LSM12: variants seen among roughly 807,000 people sequenced by gnomAD.
The protein encoded by LSM12 is protein LSM12.
For synonymous variants in LSM12, 74 were observed against 87.3 expected (o/e 0.85, Z 0.85); for missense variants, 108 against 238.9 (o/e 0.45, Z 3.61).
At chr17:44,057,487 T>TA (rs1319720951) in intron 2 of LSM12, among the ~76,000 whole-genome samples, 2 of 150,360 alleles carry the variant, frequency 1.3e-5, no homozygotes, top group African/African-American at 4.9e-5. Context: ...ATGTGCCAGG[T>TA]ACAGTGGCTC....
At chr17:44,048,794 T>TA (rs2049605153) in intron 2 of LSM12, among the ~76,000 whole-genome samples, 1 of 152,204 alleles carries the variant, frequency 6.6e-6, no homozygotes, top group Admixed American at 6.6e-5. Context: ...ACAGTCCTTG[T>TA]ATACTAACCA....
At chr17:44,065,145 C>CA (rs143594392) in intron 1 of LSM12, among the ~76,000 whole-genome samples, 5,356 of 133,922 alleles carry the variant, frequency 0.04, 168 homozygotes, top group East Asian at 0.18. Context: ...AAAAACACAA[C>CA]AAAAAAAAAA....
chr17:44,066,360 C>G (rs1245766329), intron 1 of LSM12, 104 bp downstream of exon 1: 12 of 1,435,220 alleles, frequency 8.4e-6, no homozygotes, highest in Non-Finnish European at 1.0e-5. Context: ...TAGCCGGTCG[C>G]CCCTAGGCCC....
intron 2 of LSM12, among the ~76,000 whole-genome samples, chr17:44,062,905 CA>C (rs764166826): frequency 2.7e-3 from 370 of 138,338 alleles, no homozygotes; most frequent in Admixed American, 2.7e-3. Flanking sequence ...TGCCTGTCTC[CA>C]AAAAAAAAAA....
Position 44,052,778 on chromosome 17 carries a change from TATAA to T in LSM12, c.258+11019_258+11022del, listed in dbSNP as rs904308159. ...CTGTCTTAAAAAAAATATATATTTA[TATAA>T]ATAAATAATCTATTTATATTTTATA... On this transcript the variant is annotated intron_variant, in intron 2 of 4. Transcript: ENST00000293406. Among the ~76,000 whole-genome samples, 3 of 149,870 alleles carry T rather than the reference TATAA, an allele frequency of 2.0e-5. No individual in the cohort carries two copies. The Admixed American group carries it at 2.0e-4, about 10-fold the overall frequency.
chr17:44,056,322 G>T (rs1315058314), intron 2 of LSM12, among the ~76,000 whole-genome samples: 1 of 149,822 alleles, frequency 6.7e-6, no homozygotes, highest in Non-Finnish European at 1.5e-5. Context: ...AGTGAACTCT[G>T]GCTGGGCACA....
At chr17:44,061,878 A>G (rs1483720147) in intron 2 of LSM12, among the ~76,000 whole-genome samples, 1 of 152,210 alleles carries the variant, frequency 6.6e-6, no homozygotes, top group Non-Finnish European at 1.5e-5. Flanking sequence ...TAAAATAGGT[A>G]TGGTCCCCAT....
chr17:44,052,679 A>C (rs1468074683), intron 2 of LSM12, among the ~76,000 whole-genome samples: 1 of 151,938 alleles, frequency 6.6e-6, no homozygotes, highest in Non-Finnish European at 1.5e-5. Context: ...GAATCGCTTG[A>C]ACCCGGGAGG....
In LSM12 at chr17:44,049,221, G is replaced by A. The variant is rs374466076; in HGVS notation, c.259-8965C>T. The stretch of plus-strand genomic sequence containing the variant: ...ACAACAACAACAACAAAAACAAAAC[G>A]AACAAAAAAAACCGGCTTCTAATCA... On this transcript the variant is annotated intron_variant, in intron 2 of 4. Coordinates refer to ENST00000293406, the MANE Select transcript of LSM12 (RefSeq NM_001371445.1). 2.4e-4 allele frequency among the ~76,000 whole-genome samples: 37 copies of A among 151,974 alleles called. 1 individual carries two copies. In the South Asian group the frequency reaches 6.9e-3, roughly 28 times the overall value.
Position 44,066,522 on chromosome 17 carries a change from C to G in LSM12, c.66G>C (p.Glu22Asp), listed in dbSNP as rs2144122441. The G allele has an allele frequency of 6.6e-7, 1 of 1,524,184 alleles. No individual in the cohort carries two copies. The highest frequency in any genetic ancestry group is 1.2e-5 in the South Asian group (1 of 81,938). 94.4% of individuals were successfully genotyped at this position (1,524,184 alleles called of 1,614,324 possible). A position where few individuals can be genotyped will look rare whatever the true frequency, so the allele number is the denominator to read the frequency against. The change falls in exon 1 of 5, where the codon GAG (glutamate) becomes GAC (aspartate). Residue 22 changes from glutamate (E) to aspartate (D), a missense_variant. Coordinates refer to ENST00000293406, the MANE Select transcript of LSM12 (RefSeq NM_001371445.1). ...CTACCACCTCGCCCTGCAGCCGCTG[C>G]TCCTGGCACGTCCGGCACGACACCT... ...GSQVSCRTCQ[E>D]QRLQGEVVAF...
intron 2 of LSM12, 115 bp from the exon 3 acceptor site, chr17:44,040,371 T>C: frequency 4.1e-6 from 3 of 725,508 alleles, no homozygotes; most frequent in East Asian, 2.8e-5. Flanking sequence ...ACAGATTCTG[T>C]TTTCTCAGAA....
chr17:44,058,490 C>T (rs147534329), intron 2 of LSM12, among the ~76,000 whole-genome samples: 55 of 151,920 alleles, frequency 3.6e-4, no homozygotes, highest in African/African-American at 1.3e-3. Flanking sequence ...TTGCTTGAGC[C>T]CAGGAGTTAC....
intron 1 of LSM12, among the ~76,000 whole-genome samples, chr17:44,065,270 T>TAA (rs201542608): frequency 1.4e-3 from 215 of 149,524 alleles, no homozygotes; most frequent in African/African-American, 5.0e-3. Flanking sequence ...CCATCTCTGT[T>TAA]AAAAAAAAAC....
rs1481214329 is a variant in LSM12 at position 44,041,275 on chromosome 17, AAAAAAAAAAAAAC to A, written c.259-1032_259-1020del. On this transcript the variant is annotated intron_variant, in intron 2 of 4. Transcript: ENST00000293406. Reference sequence around the variant, plus strand: ...AAAGAAGTGAGACTCTGTCTCTTTAAAAAAAAAAAAAACAAACACACACACACACACACACACA... The same window carrying A: ...AAAGAAGTGAGACTCTGTCTCTTTAAAAACACACACACACACACACACACA... 2.9e-3 allele frequency among the ~76,000 whole-genome samples: 37 copies of A among 12,918 alleles called. No individual in the cohort carries two copies. The East Asian group carries it at 0.037, about 13-fold the overall frequency. The allele number at this position is 12,918 out of a possible 152,430, so 8.5% of individuals were successfully genotyped here. A position where few individuals can be genotyped will look rare whatever the true frequency, so the allele number is the denominator to read the frequency against.
chr17:44,037,917 C>T (rs1416760031), intron 3 of LSM12, among the ~76,000 whole-genome samples: 1 of 152,202 alleles, frequency 6.6e-6, no homozygotes, highest in Non-Finnish European at 1.5e-5. Flanking sequence ...CAGTCCATAT[C>T]ATCTGTTACA....
At chr17:44,056,665 C>A (rs1211326826) in intron 2 of LSM12, among the ~76,000 whole-genome samples, 1 of 151,050 alleles carries the variant, frequency 6.6e-6, no homozygotes, top group Admixed American at 6.6e-5. Context: ...TGCACTCCAG[C>A]CTTGGTGACA....
chr17:44,038,115 G>A (rs1274065768), intron 3 of LSM12, among the ~76,000 whole-genome samples: 9 of 152,064 alleles, frequency 5.9e-5, no homozygotes, highest in Admixed American at 4.6e-4. Context: ...TTGGGAGGCC[G>A]AGGTGGGTAG....
intron 4 of LSM12, 89 bp downstream of exon 4, chr17:44,037,323 T>A (rs1398503999): frequency 2.1e-5 from 30 of 1,441,116 alleles, no homozygotes; most frequent in Middle Eastern, 2.6e-4. Flanking sequence ...AGGCAGAGAC[T>A]GTAGCACAAT....
intron 2 of LSM12, among the ~76,000 whole-genome samples, chr17:44,043,804 A>T (rs1306973541): frequency 6.7e-6 from 1 of 149,600 alleles, no homozygotes; most frequent in Admixed American, 6.7e-5. Context: ...CCCTGCCTCT[A>T]TTAAAAAAAA....
Sources: allele counts gnomAD v4.1 joint callset (sites outside exome capture counted in the v4.1 genomes callset), GRCh38; gene constraint gnomAD v4.1.1; transcripts MANE v1.5; gene names NCBI Gene and HGNC (gene_info 2026-07-23, HGNC 2026-07-21).